WWOX: variants seen among roughly 807,000 people sequenced by gnomAD.
The protein encoded by WWOX is WW domain-containing oxidoreductase.
Under a neutral mutation model 46.2 loss-of-function variants are expected in WWOX, and 69 were observed. The observed-to-expected ratio is 1.49, with a 90% CI of 1.23 to 1.82. The LOEUF is 1.82. Among genes scored for constraint, WWOX ranks in the 40% most tolerant of loss-of-function variants. The probability of loss-of-function intolerance (pLI) is 0.00; values close to 1 mark genes in which losing one functional copy is unlikely to be tolerated. For missense variants in WWOX, 919 were observed against 542.6 expected (o/e 1.69, Z -6.89); for synonymous variants, 359 against 202.6 (o/e 1.77, Z -6.56).
At chr16:79,122,111 GC>G (rs1178027737) in intron 8 of WWOX, among the ~76,000 whole-genome samples, 1 of 152,180 alleles carries the variant, frequency 6.6e-6, no homozygotes. Context: ...TGCTGACGGG[GC>G]TGTTCCACCT....
Position 78,807,709 on chromosome 16 carries a change from G to A in WWOX, c.1056+374957G>A, listed in dbSNP as rs145191185. Among the ~76,000 whole-genome samples the A allele has an allele frequency of 5.1e-3, 779 of 152,322 alleles. 6 individuals are homozygous for A. The highest frequency in any genetic ancestry group is 0.018 in the African/African-American group (738 of 41,564). ...CTGATTCTCAGAAAGAAGAAACAAC[G>A]TACTGTTACATAATTGGGGCTTCTC... On this transcript the variant is annotated intron_variant, in intron 8 of 8. Transcript: ENST00000566780.
intron 8 of WWOX, among the ~76,000 whole-genome samples, chr16:78,681,912 C>T (rs924621648): frequency 6.6e-6 from 1 of 152,196 alleles, no homozygotes; most frequent in African/African-American, 2.4e-5. Context: ...CCCTCATTCT[C>T]TAGTTCTGGG....
At chr16:79,012,596 G>A (rs1404153683) in intron 8 of WWOX, among the ~76,000 whole-genome samples, 1 of 152,174 alleles carries the variant, frequency 6.6e-6, no homozygotes, top group Non-Finnish European at 1.5e-5. Flanking sequence ...ATGGCTGAGG[G>A]CTACTCTAAT....
chr16:78,464,062 C>T (rs969360752), intron 8 of WWOX, among the ~76,000 whole-genome samples: 8 of 152,128 alleles, frequency 5.3e-5, no homozygotes, highest in Admixed American at 3.3e-4. Context: ...CTGATCAGAG[C>T]ACACCCACAC....
chr16:78,894,191 C>G (rs1278703853), intron 8 of WWOX, among the ~76,000 whole-genome samples: 12 of 152,158 alleles, frequency 7.9e-5, no homozygotes, highest in East Asian at 3.9e-4. Flanking sequence ...GGCAAGTGTA[C>G]TGTGGCAATT....
intron 8 of WWOX, among the ~76,000 whole-genome samples, chr16:78,712,631 G>A (rs2048467468): frequency 1.3e-5 from 2 of 152,072 alleles, no homozygotes; most frequent in Non-Finnish European, 2.9e-5. Context: ...GAGACAAATA[G>A]GAAAATTTGA....
intron 8 of WWOX, among the ~76,000 whole-genome samples, chr16:78,476,661 C>G (rs928351731): frequency 6.6e-6 from 1 of 151,836 alleles, no homozygotes; most frequent in Non-Finnish European, 1.5e-5. Context: ...GTTTTCATTT[C>G]AAGACCCGTC....
chr16:79,141,726 G>A (rs529410279), intron 8 of WWOX, among the ~76,000 whole-genome samples: 58 of 151,652 alleles, frequency 3.8e-4, no homozygotes, highest in Non-Finnish European at 6.6e-4. Flanking sequence ...TGATAAGCCC[G>A]TCTAGCACGG....
rs976073233 is a variant in WWOX, at chr16:78,744,422, C to CTTTTTTTT, written c.1056+311690_1056+311697dup. 2.6e-4 allele frequency among the ~76,000 whole-genome samples: 21 copies of CTTTTTTTT among 82,242 alleles called. 2 individuals are homozygous for CTTTTTTTT. The highest frequency in any genetic ancestry group is 1.0e-3 in the African/African-American group (17 of 16,330). The allele number at this position is 82,242 out of a possible 152,430, so 54.0% of individuals were successfully genotyped here. A position where few individuals can be genotyped will look rare whatever the true frequency, so the allele number is the denominator to read the frequency against. On this transcript the variant is annotated intron_variant, in intron 8 of 8. Coordinates refer to ENST00000566780, the MANE Select transcript of WWOX (RefSeq NM_016373.4). Reference sequence around the variant, plus strand: ...TAGGAAGGGCCCATGGTCCACACTGCTTTTTTTTTTTTTTTTTTTTTTTTT... The same window carrying CTTTTTTTT: ...TAGGAAGGGCCCATGGTCCACACTGCTTTTTTTTTTTTTTTTTTTTTTTTTTTTTTTTT...
At chr16:78,176,805 GATAAAA>G (rs1567613711) in intron 5 of WWOX, among the ~76,000 whole-genome samples, 2 of 152,252 alleles carry the variant, frequency 1.3e-5, no homozygotes, top group Admixed American at 1.3e-4. Context: ...GCAATAAGAA[GATAAAA>G]ATAAAAAGGA....
intron 8 of WWOX, among the ~76,000 whole-genome samples, chr16:79,127,597 C>T (rs1316017195): frequency 4.6e-5 from 7 of 152,188 alleles, no homozygotes; most frequent in Non-Finnish European, 1.0e-4. Context: ...TCGCTTCCCA[C>T]GTGCATGCAT....
chr16:78,853,412 C>G (rs2052496052), intron 8 of WWOX, among the ~76,000 whole-genome samples: 1 of 152,026 alleles, frequency 6.6e-6, no homozygotes, highest in South Asian at 2.1e-4. Context: ...AGGGTTTTGC[C>G]ACGTTAACCA....
intron 8 of WWOX, among the ~76,000 whole-genome samples, chr16:78,672,080 C>G (rs1352858722): frequency 6.6e-6 from 1 of 152,180 alleles, no homozygotes; most frequent in Non-Finnish European, 1.5e-5. Context: ...ATTCTGTTAT[C>G]TTACTTCACA....
chr16:78,861,643 A>G (rs2043887830), intron 8 of WWOX, among the ~76,000 whole-genome samples: 1 of 152,256 alleles, frequency 6.6e-6, no homozygotes, highest in Non-Finnish European at 1.5e-5. Flanking sequence ...ATTATTTAAT[A>G]TCATGAAGTG....
chr16:78,823,868 T>G (rs964344782), intron 8 of WWOX, among the ~76,000 whole-genome samples: 1 of 151,780 alleles, frequency 6.6e-6, no homozygotes, highest in African/African-American at 2.4e-5. Flanking sequence ...CTCCAATGCC[T>G]GGGTTTAAGT....
intron 8 of WWOX, among the ~76,000 whole-genome samples, chr16:78,627,716 G>C (rs1483438650): frequency 1.3e-5 from 2 of 152,214 alleles, no homozygotes; most frequent in East Asian, 3.8e-4. Context: ...GAAGACTCTG[G>C]AACAACATGG....
At chr16:79,050,116 G>T (rs913617100) in intron 8 of WWOX, among the ~76,000 whole-genome samples, 4 of 152,168 alleles carry the variant, frequency 2.6e-5, no homozygotes, top group Non-Finnish European at 5.9e-5. Flanking sequence ...GCGTAACCGT[G>T]TGGCAACTGA....
In WWOX at chr16:78,822,903, G is replaced by T. The variant is rs564178094; in HGVS notation, c.1057-388705G>T. Among the ~76,000 whole-genome samples, 18 of 151,942 alleles carry T rather than the reference G, an allele frequency of 1.2e-4. No individual in the cohort carries two copies. In the South Asian group the frequency reaches 3.7e-3, roughly 32 times the overall value. ...GATTCCTAGCAAGAAACATCATAAAGGGGCTTGATAAAGCCAAAAAACTAA... is the reference window on the plus strand; with the variant it reads ...GATTCCTAGCAAGAAACATCATAAATGGGCTTGATAAAGCCAAAAAACTAA... On this transcript the variant is annotated intron_variant, in intron 8 of 8. Transcript: ENST00000566780.
chr16:78,559,217 A>C (rs1393110829), intron 8 of WWOX, among the ~76,000 whole-genome samples: 1 of 152,196 alleles, frequency 6.6e-6, no homozygotes, highest in Non-Finnish European at 1.5e-5. Context: ...AGCGTTTATG[A>C]ATGTTGTGGT....
Sources: allele counts gnomAD v4.1 joint callset (sites outside exome capture counted in the v4.1 genomes callset), GRCh38; gene constraint gnomAD v4.1.1; transcripts MANE v1.5; gene names NCBI Gene and HGNC (gene_info 2026-07-23, HGNC 2026-07-21).